The following TBC1D5 variants were observed in gnomAD, a reference collection of about 807,000 sequenced individuals.
The protein encoded by TBC1D5 is TBC1 domain family, member 5.
In TBC1D5, 75 loss-of-function variants were observed where a neutral mutation model predicts 100.3. That is an observed-to-expected ratio of 0.75 (90% CI 0.62 to 0.91). The LOEUF (loss-of-function observed/expected upper bound fraction) is 0.91, where lower values mean the gene tolerates loss of function less well. Ranked by LOEUF, TBC1D5 falls within the 40% of genes least tolerant of loss-of-function variation. The pLI, the probability that TBC1D5 is intolerant of heterozygous loss-of-function variation, is 0.00. For synonymous variants in TBC1D5, 323 were observed against 325.6 expected, an observed-to-expected ratio of 0.99 and a Z score of 0.09; for missense variants, 910 against 942.4, an observed-to-expected ratio of 0.97 and a Z score of 0.45.
intron 17 of TBC1D5, among the ~76,000 whole-genome samples, chr3:17,217,033 T>C (rs2073727459): frequency 6.6e-6 from 1 of 152,152 alleles, no homozygotes; most frequent in Non-Finnish European, 1.5e-5. Flanking sequence ...TTATTTCCAG[T>C]ATACCCCCTC....
At chr3:17,299,292 A>G (rs2082581041) in intron 14 of TBC1D5, among the ~76,000 whole-genome samples, 1 of 152,172 alleles carries the variant, frequency 6.6e-6, no homozygotes, top group Non-Finnish European at 1.5e-5. Context: ...AGATTTCATC[A>G]TGCTACTCAG....
chr3:17,265,304 T>C (rs371986431), intron 15 of TBC1D5, among the ~76,000 whole-genome samples: 4 of 152,164 alleles, frequency 2.6e-5, no homozygotes, highest in African/African-American at 7.2e-5. Context: ...TACAGTATAA[T>C]GTATGTTTGG....
intron 3 of TBC1D5, among the ~76,000 whole-genome samples, chr3:17,430,760 CT>C (rs1025335400): frequency 7.9e-5 from 12 of 151,902 alleles, no homozygotes; most frequent in African/African-American, 2.9e-4. Context: ...ATCCCAGACT[CT>C]TATTTTGGAA....
At chr3:17,349,952 G>A (rs192056674) in intron 13 of TBC1D5, among the ~76,000 whole-genome samples, 15 of 152,290 alleles carry the variant, frequency 9.8e-5, no homozygotes, top group Non-Finnish European at 1.5e-5. Flanking sequence ...TTTTAGATAT[G>A]TAAAGAGTTC....
At chr3:17,671,223 C>T (rs1176875156) in intron 1 of TBC1D5, among the ~76,000 whole-genome samples, 1 of 152,112 alleles carries the variant, frequency 6.6e-6, no homozygotes, top group Non-Finnish European at 1.5e-5. Context: ...CAAAGATGTA[C>T]AATACAGATG....
At chr3:17,508,929 C>A (rs866849982) in intron 2 of TBC1D5, among the ~76,000 whole-genome samples, 1 of 151,754 alleles carries the variant, frequency 6.6e-6, no homozygotes, top group East Asian at 1.9e-4. Flanking sequence ...TGTTTTACAG[C>A]CAAAATAATA....
intron 1 of TBC1D5, among the ~76,000 whole-genome samples, chr3:17,703,911 TTTG>T (rs1242112229): frequency 2.8e-5 from 3 of 106,284 alleles, no homozygotes; most frequent in South Asian, 7.4e-4. Context: ...GTGTTTTTTT[TTTG>T]TTTTTTTTTT....
chr3:17,371,947 G>C, intron 13 of TBC1D5, 128 bp downstream of exon 13: 1 of 786,444 alleles, frequency 1.3e-6, no homozygotes, highest in Admixed American at 3.4e-5. Flanking sequence ...TGAGATGGGA[G>C]GATCGCTTGA....
At chr3:17,235,163 G>A (rs2075760871) in intron 17 of TBC1D5, among the ~76,000 whole-genome samples, 1 of 151,960 alleles carries the variant, frequency 6.6e-6, no homozygotes, top group Non-Finnish European at 1.5e-5. Flanking sequence ...ACAATTACAG[G>A]GAACATCTGG....
chr3:17,222,948 AACTTTTTT>A, intron 17 of TBC1D5, among the ~76,000 whole-genome samples: 1 of 152,238 alleles, frequency 6.6e-6, no homozygotes, highest in East Asian at 1.9e-4. Context: ...GGACCATTAT[AACTTTTTT>A]TCATTTTCTT....
chr3:17,684,427 T>C (rs988692575), intron 1 of TBC1D5, among the ~76,000 whole-genome samples: 66 of 152,126 alleles, frequency 4.3e-4, no homozygotes, highest in African/African-American at 1.5e-3. Flanking sequence ...ACTTGAAATG[T>C]ACAATGCAGT....
intron 2 of TBC1D5, among the ~76,000 whole-genome samples, chr3:17,603,205 G>A (rs1244332268): frequency 1.3e-5 from 2 of 150,426 alleles, no homozygotes; most frequent in Non-Finnish European, 3.0e-5. Context: ...ACCCAGGCTG[G>A]AGTGTGGTGA....
chr3:17,512,534 G>C (rs138333001), intron 2 of TBC1D5, among the ~76,000 whole-genome samples: 1 of 152,224 alleles, frequency 6.6e-6, no homozygotes, highest in East Asian at 1.9e-4. Context: ...ATAATTGATA[G>C]ATTTTAGTTC....
chr3:17,431,270 A>G (rs912662430), intron 3 of TBC1D5, among the ~76,000 whole-genome samples: 4 of 151,634 alleles, frequency 2.6e-5, no homozygotes, highest in Non-Finnish European at 1.5e-5. Flanking sequence ...ACATACAAAT[A>G]CAGTATTAAT....
intron 1 of TBC1D5, among the ~76,000 whole-genome samples, chr3:17,662,596 G>A (rs13081082): frequency 0.056 from 8,518 of 152,242 alleles, 355 homozygotes; most frequent in Non-Finnish European, 0.08. Flanking sequence ...GCTGACCTAA[G>A]AAAGTGCTTT....
At position 17,376,049 on chromosome 3, in the gene TBC1D5, A is replaced by G. The variant is rs574522891; in HGVS notation, c.701+476T>C. On this transcript the variant is annotated intron_variant, in intron 10 of 21. Coordinates refer to ENST00000253692, the Ensembl canonical transcript of TBC1D5. ...TATTTGCAGGAAAGAATAAATGAAT[A>G]TATCTAAAAAATTTGAGAAGCAATT... 6.6e-5 allele frequency among the ~76,000 whole-genome samples: 10 copies of G among 152,334 alleles called. No individual in the cohort carries two copies. In the South Asian group the frequency reaches 2.1e-3, roughly 32 times the overall value.
intron 2 of TBC1D5, among the ~76,000 whole-genome samples, chr3:17,536,936 G>A (rs551846089): frequency 3.9e-5 from 6 of 152,134 alleles, no homozygotes; most frequent in Non-Finnish European, 5.9e-5. Flanking sequence ...AGAGTTAGCA[G>A]CCTTCTAAGA....
At chr3:17,585,583 G>A (rs894908795) in intron 2 of TBC1D5, among the ~76,000 whole-genome samples, 5 of 152,114 alleles carry the variant, frequency 3.3e-5, no homozygotes, top group African/African-American at 9.7e-5. Context: ...AAGCACAGAA[G>A]AGACAAAAGA....
At chr3:17,511,454 T>G (rs2095905409) in intron 2 of TBC1D5, among the ~76,000 whole-genome samples, 2 of 151,970 alleles carry the variant, frequency 1.3e-5, no homozygotes, top group Non-Finnish European at 2.9e-5. Flanking sequence ...AATACATAAA[T>G]AAATGACTTT....
Sources: allele counts gnomAD v4.1 joint callset (sites outside exome capture counted in the v4.1 genomes callset), GRCh38; gene constraint gnomAD v4.1.1; transcripts MANE v1.5; gene names NCBI Gene and HGNC (gene_info 2026-07-23, HGNC 2026-07-21).